AMOTL2: variants seen among roughly 807,000 people sequenced by gnomAD.
AMOTL2 encodes the protein angiomotin-like protein 2.
Under a neutral mutation model 78.4 loss-of-function variants are expected in AMOTL2, and 33 were observed. The ratio of observed to expected loss-of-function variants is 0.42; its 90% confidence interval spans 0.32 to 0.56. The LOEUF is 0.56. Ranked by LOEUF, AMOTL2 falls within the 20% of genes least tolerant of loss-of-function variation. AMOTL2 has a pLI of 0.12. For synonymous variants in AMOTL2, 422 were observed against 428.8 expected (o/e 0.98, Z 0.20); for missense variants, 983 against 1,030.1 (o/e 0.95, Z 0.63).
In AMOTL2 at chr3:134,360,240, G is replaced by A. The variant is rs1559795867; in HGVS notation, c.1749C>T (p.Ala583=). 1 of 1,614,226 alleles carries A rather than the reference G, an allele frequency of 6.2e-7. No individual in the cohort carries two copies. The stretch of plus-strand genomic sequence containing the variant: ...CAGCAGCCGTGGCAGCCGCATCCAT[G>A]GCAAACTGCCTCATGGCACGTTCCT... ...YLEERAMRQF[A]MDAAATAAAQ... Residue 583 remains alanine, a synonymous_variant, in exon 7 of 10, where the codon GCC becomes GCT. Transcript: ENST00000249883.
At position 134,358,710 on chromosome 3, in the gene AMOTL2, G is replaced by A. The variant is rs774268668; in HGVS notation, c.2114C>T (p.Ala705Val). 2 of 1,614,070 alleles carry A rather than the reference G, an allele frequency of 1.2e-6. No homozygotes were observed. Among genetic ancestry groups the A allele is most frequent in the Non-Finnish European group, 1.7e-6 (2 of 1,180,024 alleles). Residue 705 changes from alanine to valine, a missense_variant, in exon 9 of 10, where the codon GCA (alanine) becomes GTA (valine). Coordinates refer to ENST00000249883, the MANE Select transcript of AMOTL2 (RefSeq NM_016201.4). ...APARLTTADR[A>V]PTEEPVVTAP... is the part of the protein sequence containing the mutation. ...TGTGACCACTGGCTCCTCTGTGGGTGCTCTGTCTGCTGGAAAGGTAGGTGG... is the reference window on the plus strand; with the variant it reads ...TGTGACCACTGGCTCCTCTGTGGGTACTCTGTCTGCTGGAAAGGTAGGTGG...
intron 1 of AMOTL2, chr3:134,373,794 T>A (rs543380861): frequency 9.1e-6 from 9 of 985,486 alleles, no homozygotes; most frequent in Admixed American, 6.1e-5. Context: ...TCTCGAGCCC[T>A]CTTTGTTTTC....
intron 5 of AMOTL2, 130 bp downstream of exon 5, chr3:134,365,687 C>T (rs116583288): frequency 1.3e-5 from 10 of 754,778 alleles, no homozygotes; most frequent in Non-Finnish European, 2.0e-5. Flanking sequence ...GTTGGGCATA[C>T]AGTGGGCAGT....
chr3:134,370,581 T>G, intron 2 of AMOTL2, 119 bp downstream of exon 2: 1 of 1,285,828 alleles, frequency 7.8e-7, no homozygotes, highest in Non-Finnish European at 1.0e-6. Context: ...CTTCTCAGGT[T>G]GGAGGTGGGG....
intron 6 of AMOTL2, 48 bp from the exon 7 acceptor site, chr3:134,360,461 G>C: frequency 6.5e-7 from 1 of 1,540,604 alleles, no homozygotes; most frequent in Non-Finnish European, 8.8e-7. Context: ...AGGTTGGGGT[G>C]TGGCAGCCAC....
chr3:134,373,840 G>C, intron 1 of AMOTL2: 2 of 985,138 alleles, frequency 2.0e-6, no homozygotes, highest in Non-Finnish European at 2.4e-6. Context: ...GGGCTGGACA[G>C]CAGGCTGCAT....
chr3:134,371,356 A>C lies in AMOTL2; in HGVS notation c.78T>G (p.Thr26=). The C allele has an allele frequency of 6.2e-7, 1 of 1,610,768 alleles. No homozygotes were observed. Among genetic ancestry groups the C allele is most frequent in the Non-Finnish European group, 8.5e-7 (1 of 1,179,994 alleles). ...GGATGGCTAGCAGCGTGCGCGTCTC[A>C]GTCAGGTTGCCGTAGCGCAGCTGCT... The part of the protein sequence containing the change: ...IQEQLRYGNL[T]ETRTLLAIQQ... Residue 26 remains threonine, a synonymous_variant, in exon 2 of 10, where the codon ACT becomes ACG. Transcript: ENST00000249883.
intron 7 of AMOTL2, 130 bp from the exon 8 acceptor site, chr3:134,359,633 G>A: frequency 1.3e-6 from 1 of 740,854 alleles, no homozygotes. Flanking sequence ...GGATCCTTCT[G>A]TGCTTGTAGC....
chr3:134,357,745 C>G lies in AMOTL2; in HGVS notation c.2303G>C (p.Arg768Thr), dbSNP rs138701132. The stretch of plus-strand genomic sequence containing the variant: ...CACCATGTCTGACAAGTCCTGGACT[C>G]TGGATGTAGCTACAGAGTCTGGAGA... ...AASLDSVATS[R>T]VQDLSDMVEI... Residue 768 changes from arginine to threonine, a missense_variant, in exon 10 of 10, where the codon AGA becomes ACA. Coordinates refer to ENST00000249883, the MANE Select transcript of AMOTL2 (RefSeq NM_016201.4). 111 of 1,614,062 alleles carry G rather than the reference C, an allele frequency of 6.9e-5. No homozygotes were observed. The African/African-American group carries it at 1.4e-3, about 20-fold the overall frequency.
chr3:134,361,621 A>T lies in AMOTL2; in HGVS notation c.1466T>A (p.Leu489Gln). 6.2e-7 allele frequency: 1 copy of T among 1,613,108 alleles called. No homozygotes were observed. The highest frequency in any genetic ancestry group is 2.2e-5 in the East Asian group (1 of 44,876). ...KQAYVEKVER[L>Q]QQALGQLQAA... ...CTGCAGCTGCCCGAGCGCCTGCTGC[A>T]GCCGCTCCACTTTCTCCACATAGGC... Residue 489 changes from leucine to glutamine, a missense_variant, in exon 6 of 10, where the codon CTG becomes CAG. Transcript: ENST00000249883.
chr3:134,373,701 C>T, intron 1 of AMOTL2: 3 of 985,440 alleles, frequency 3.0e-6, no homozygotes, highest in Non-Finnish European at 3.6e-6. Flanking sequence ...GCACCGGTGG[C>T]CGCTGGTACG....
intron 9 of AMOTL2, 109 bp from the exon 10 acceptor site, chr3:134,357,872 C>G: frequency 8.6e-7 from 1 of 1,159,108 alleles, no homozygotes; most frequent in Non-Finnish European, 1.3e-6. Context: ...CTTTTCCCAC[C>G]TCTGCTGCCC....
intron 9 of AMOTL2, among the ~76,000 whole-genome samples, chr3:134,358,186 C>T (rs2017156392): frequency 6.6e-6 from 1 of 152,270 alleles, no homozygotes; most frequent in African/African-American, 2.4e-5. Context: ...TTCCAGAGTG[C>T]CATCGGCATG....
rs1207082426 is a variant in AMOTL2, at chr3:134,361,548, G to A, written c.1539C>T (p.Arg513=). The A allele has an allele frequency of 3.1e-6, 5 of 1,612,998 alleles. No individual in the cohort carries two copies. In the Admixed American group the frequency reaches 8.3e-5, roughly 27 times the overall value. ...GCAGGGCCTTGAGTTCCTGCTCCAG[G>A]CGAGTCCGCAGACGCAGCTCCAGCT... ...REQLELRLRT[R]LEQELKALRA... The change falls in exon 6 of 10, where the codon CGC becomes CGT. Residue 513 remains arginine (R), a synonymous_variant. Coordinates refer to ENST00000249883, the MANE Select transcript of AMOTL2 (RefSeq NM_016201.4).
chr3:134,366,143 T>G (rs1447887223), intron 4 of AMOTL2, 140 bp downstream of exon 4: 1 of 1,221,134 alleles, frequency 8.2e-7, no homozygotes, highest in Non-Finnish European at 1.2e-6. Flanking sequence ...TCAGGGCAGC[T>G]CCAAAGGGGT....
intron 2 of AMOTL2, among the ~76,000 whole-genome samples, chr3:134,369,843 T>C (rs1023871097): frequency 2.0e-5 from 3 of 152,208 alleles, no homozygotes; most frequent in Admixed American, 1.3e-4. Flanking sequence ...GAAAAGATGC[T>C]GGGCAAGATG....
intron 5 of AMOTL2, among the ~76,000 whole-genome samples, chr3:134,365,135 G>A (rs1335286068): frequency 2.6e-5 from 4 of 152,056 alleles, no homozygotes; most frequent in Non-Finnish European, 5.9e-5. Flanking sequence ...CCTTTCTTAA[G>A]CTCACCACTT....
intron 7 of AMOTL2, 49 bp downstream of exon 7, chr3:134,360,057 A>G (rs369922508): frequency 1.3e-6 from 2 of 1,559,524 alleles, no homozygotes; most frequent in African/African-American, 1.4e-5. Flanking sequence ...GTGACTGGAC[A>G]TTGCCACCCA....
chr3:134,374,291 A>T (rs1252757083), intron 1 of AMOTL2, 51 bp downstream of exon 1: 54 of 985,228 alleles, frequency 5.5e-5, no homozygotes, highest in Non-Finnish European at 6.4e-5. Context: ...TGGCTGGGGC[A>T]CGTTTCTGTG....
Sources: gnomAD v4.1 joint callset for allele counts (sites outside exome capture counted in the v4.1 genomes callset) on GRCh38, gnomAD v4.1.1 for gene constraint, MANE v1.5 for transcripts, NCBI Gene and HGNC (gene_info 2026-07-23, HGNC 2026-07-21) for gene names.